The following TENM2 variants were observed in gnomAD, a reference collection of about 807,000 sequenced individuals.
TENM2 encodes the protein teneurin-2.
A neutral mutation model predicts 245.2 loss-of-function variants in TENM2; 52 were observed. That is an observed-to-expected ratio of 0.21 (90% CI 0.17 to 0.27). The LOEUF (loss-of-function observed/expected upper bound fraction) is 0.27, where lower values mean the gene tolerates loss of function less well. TENM2 is among the 10% of genes least tolerant of loss of function. The pLI, the probability that TENM2 is intolerant of heterozygous loss-of-function variation, is 1.00. For missense variants in TENM2, 3,046 were observed against 3,666.8 expected, an observed-to-expected ratio of 0.83 and a Z score of 4.37; for synonymous variants, 1,363 against 1,438.9, an observed-to-expected ratio of 0.95 and a Z score of 1.19.
At chr5:167,226,712 A>G in the TENM2 span, among the ~76,000 whole-genome samples, 1 of 152,074 alleles carries the variant, frequency 6.6e-6, no homozygotes, top group Non-Finnish European at 1.5e-5. Context: ...TCCAAAATCT[A>G]CTTTAAATCC....
chr5:168,210,424 G>C (rs569093223), intron 19 of TENM2, among the ~76,000 whole-genome samples: 24 of 152,214 alleles, frequency 1.6e-4, no homozygotes, highest in African/African-American at 5.5e-4. Context: ...AAGTGAAATT[G>C]ATATTGCAAT....
chr5:167,764,759 G>A (rs1205941689), intron 2 of TENM2, among the ~76,000 whole-genome samples: 1 of 152,170 alleles, frequency 6.6e-6, no homozygotes, highest in East Asian at 1.9e-4. Flanking sequence ...CTGAATGAAT[G>A]TGCCTTCCCT....
intron 6 of TENM2, among the ~76,000 whole-genome samples, chr5:168,059,713 A>G (rs916832117): frequency 6.6e-6 from 1 of 152,138 alleles, no homozygotes; most frequent in Non-Finnish European, 1.5e-5. Context: ...AGTTTATAGT[A>G]ATGAGAGCTC....
At chr5:167,970,247 T>C (rs1180819282) in intron 4 of TENM2, among the ~76,000 whole-genome samples, 1 of 152,254 alleles carries the variant, frequency 6.6e-6, no homozygotes, top group Non-Finnish European at 1.5e-5. Flanking sequence ...CCCTCTCTGG[T>C]TGACTTCTCA....
intron 2 of TENM2, among the ~76,000 whole-genome samples, chr5:167,619,131 C>T (rs568447800): frequency 1.3e-5 from 2 of 152,172 alleles, no homozygotes; most frequent in East Asian, 3.9e-4. Context: ...TATAATTTTC[C>T]ATTTCTTTTG....
chr5:167,115,903 G>A, the TENM2 span, among the ~76,000 whole-genome samples: 165 of 152,248 alleles, frequency 1.1e-3, 2 homozygotes, highest in East Asian at 0.019. Context: ...CTAGGTTGCC[G>A]GGAAATAACT....
At chr5:167,427,436 A>G (rs886790134) in intron 2 of TENM2, among the ~76,000 whole-genome samples, 10 of 151,054 alleles carry the variant, frequency 6.6e-5, no homozygotes, top group African/African-American at 1.9e-4. Context: ...CTGGGTGACA[A>G]GAGTGAAACA....
At chr5:168,259,310 G>A (rs908177459) in intron 27 of TENM2, among the ~76,000 whole-genome samples, 8 of 148,406 alleles carry the variant, frequency 5.4e-5, no homozygotes, top group South Asian at 4.3e-4. Flanking sequence ...AGGCTGGGCC[G>A]GGCACGGTGG....
At chr5:167,174,050 C>T in the TENM2 span, among the ~76,000 whole-genome samples, 1 of 151,046 alleles carries the variant, frequency 6.6e-6, no homozygotes, top group Non-Finnish European at 1.5e-5. Flanking sequence ...TTTTTCCACC[C>T]CCTTGAAATA....
chr5:167,278,177 G>A, the TENM2 span, among the ~76,000 whole-genome samples: 6 of 151,962 alleles, frequency 3.9e-5, no homozygotes, highest in African/African-American at 1.4e-4. Flanking sequence ...GGTGGCACAC[G>A]CTTGTAGTCC....
intron 2 of TENM2, among the ~76,000 whole-genome samples, chr5:167,779,243 C>T (rs773988201): frequency 6.6e-6 from 1 of 152,086 alleles, no homozygotes; most frequent in Non-Finnish European, 1.5e-5. Flanking sequence ...CCAACAGCCA[C>T]AAAGGTATTT....
chr5:167,871,305 GT>G (rs1320554700), intron 2 of TENM2, among the ~76,000 whole-genome samples: 5 of 152,032 alleles, frequency 3.3e-5, no homozygotes, highest in Admixed American at 3.3e-4. Context: ...TTATGTCACT[GT>G]TTCCTGCCAA....
intron 6 of TENM2, among the ~76,000 whole-genome samples, chr5:168,058,154 C>T (rs1033525116): frequency 7.9e-5 from 12 of 152,166 alleles, no homozygotes; most frequent in South Asian, 2.1e-4. Context: ...ATGTCTCCCT[C>T]GGCCTAGACC....
At chr5:168,184,314 A>T (rs9313399) in intron 13 of TENM2, among the ~76,000 whole-genome samples, 96,373 of 151,998 alleles carry the variant, frequency 0.63, 31,743 homozygotes, top group Admixed American at 0.77. Context: ...GCTTCTGACC[A>T]GTCCCCAACC....
the TENM2 span, among the ~76,000 whole-genome samples, chr5:167,147,509 TA>T: frequency 2.6e-5 from 4 of 152,200 alleles, no homozygotes; most frequent in South Asian, 8.3e-4. Context: ...GATGACAAGT[TA>T]AAAAATTCTT....
chr5:167,493,269 C>A (rs966060586), intron 2 of TENM2, among the ~76,000 whole-genome samples: 19 of 151,934 alleles, frequency 1.3e-4, no homozygotes, highest in Admixed American at 1.1e-3. Context: ...GAGAGTAAGA[C>A]CCTGTCTCTA....
At chr5:167,936,693 T>A (rs1270917766) in intron 3 of TENM2, among the ~76,000 whole-genome samples, 1 of 152,222 alleles carries the variant, frequency 6.6e-6, no homozygotes, top group African/African-American at 2.4e-5. Flanking sequence ...TGTGTACAGT[T>A]CTGTAGATTT....
intron 2 of TENM2, among the ~76,000 whole-genome samples, chr5:167,630,948 C>T (rs1002305393): frequency 1.9e-4 from 29 of 152,262 alleles, no homozygotes; most frequent in African/African-American, 5.8e-4. Context: ...TGTACCCAAC[C>T]GGGTTTTGGA....
intron 2 of TENM2, among the ~76,000 whole-genome samples, chr5:167,560,801 C>T (rs983727480): frequency 1.3e-5 from 2 of 152,168 alleles, no homozygotes; most frequent in Non-Finnish European, 2.9e-5. Flanking sequence ...AAAAGAACAT[C>T]CCCACCTCAA....
Sources: allele counts gnomAD v4.1 joint callset (sites outside exome capture counted in the v4.1 genomes callset), GRCh38; gene constraint gnomAD v4.1.1; transcripts MANE v1.5; gene names NCBI Gene and HGNC (gene_info 2026-07-23, HGNC 2026-07-21).